The following KCMF1 variants were observed in gnomAD, a reference collection of about 807,000 sequenced individuals.
The protein encoded by KCMF1 is potassium channel modulatory factor 1.
KCMF1 carries 3 observed loss-of-function variants against 41.1 expected under a neutral mutation model. The observed-to-expected ratio is 0.07, with a 90% CI of 0.03 to 0.19. KCMF1 has a LOEUF of 0.19. Ranked by LOEUF, KCMF1 falls within the 10% of genes least tolerant of loss-of-function variation. The probability of loss-of-function intolerance (pLI) is 1.00; values close to 1 mark genes in which losing one functional copy is unlikely to be tolerated. For synonymous variants in KCMF1, 142 were observed against 164.5 expected, an observed-to-expected ratio of 0.86 and a Z score of 1.04; for missense variants, 286 against 488.9, an observed-to-expected ratio of 0.58 and a Z score of 3.91.
chr2:84,997,693 G>A (rs1674209650), intron 1 of KCMF1, among the ~76,000 whole-genome samples: 1 of 151,912 alleles, frequency 6.6e-6, no homozygotes, highest in Admixed American at 6.6e-5. Context: ...GAAAGGCCTT[G>A]GGGTTGAGGG....
chr2:85,005,133 C>T (rs1486134525), intron 1 of KCMF1, among the ~76,000 whole-genome samples: 3 of 152,122 alleles, frequency 2.0e-5, no homozygotes, highest in Admixed American at 2.0e-4. Context: ...TCTTGAACTC[C>T]TGACCTCACA....
intron 1 of KCMF1, among the ~76,000 whole-genome samples, chr2:84,998,592 T>TTTATTTACTTAC: frequency 1.3e-5 from 2 of 151,394 alleles, no homozygotes; most frequent in East Asian, 3.9e-4. Context: ...TATTTATTTA[T>TTTATTTACTTAC]TTACTTACTT....
intron 4 of KCMF1, among the ~76,000 whole-genome samples, chr2:85,045,246 A>G (rs1675635345): frequency 8.1e-6 from 1 of 122,932 alleles, no homozygotes; most frequent in African/African-American, 3.2e-5. Flanking sequence ...CTCAAGATAC[A>G]TATATATATG....
chr2:84,982,476 A>G (rs1293974949), intron 1 of KCMF1, among the ~76,000 whole-genome samples: 1 of 126,480 alleles, frequency 7.9e-6, no homozygotes, highest in South Asian at 2.5e-4. Context: ...ATCTCGGCTC[A>G]CTGCAACCTC....
At chr2:85,003,508 C>T (rs1490812658) in intron 1 of KCMF1, among the ~76,000 whole-genome samples, 2 of 151,650 alleles carry the variant, frequency 1.3e-5, no homozygotes, top group African/African-American at 4.8e-5. Context: ...TTTTACATAC[C>T]CGTTTGCCTC....
chr2:85,051,352 A>C (rs141790139), intron 6 of KCMF1, among the ~76,000 whole-genome samples: 318 of 152,232 alleles, frequency 2.1e-3, no homozygotes, highest in African/African-American at 7.5e-3. Flanking sequence ...ATTTCTACTG[A>C]GAGTTCACAG....
At chr2:84,977,435 G>A (rs1673578230) in intron 1 of KCMF1, among the ~76,000 whole-genome samples, 1 of 152,042 alleles carries the variant, frequency 6.6e-6, no homozygotes, top group South Asian at 2.1e-4. Flanking sequence ...GACTTTTTCA[G>A]TTCGTTTTTT....
chr2:85,019,353 G>A lies in KCMF1; in HGVS notation c.17-8536G>A, dbSNP rs565836955. Among the ~76,000 whole-genome samples the A allele has an allele frequency of 4.6e-5, 7 of 152,276 alleles. No individual in the cohort carries two copies. The East Asian group carries it at 1.2e-3, about 25-fold the overall frequency. ...TTAGGAGGGCCTCTGTATTGAGTGA[G>A]AGTCATTCTAAAGGGGACAATGGGC... On this transcript the variant is annotated intron_variant, in intron 1 of 6. Coordinates refer to ENST00000409785, the MANE Select transcript of KCMF1 (RefSeq NM_020122.5).
intron 1 of KCMF1, among the ~76,000 whole-genome samples, chr2:85,006,816 A>G (rs1211947862): frequency 1.3e-5 from 2 of 151,930 alleles, no homozygotes; most frequent in African/African-American, 4.8e-5. Flanking sequence ...ATATTAAGAA[A>G]TAGAACATCT....
chr2:84,973,733 T>C (rs1673457408), intron 1 of KCMF1, among the ~76,000 whole-genome samples: 1 of 152,172 alleles, frequency 6.6e-6, no homozygotes, highest in South Asian at 2.1e-4. Flanking sequence ...GCACCCTTGC[T>C]ATTAGTTCTT....
Position 85,027,870 on chromosome 2 carries a change from A to G in KCMF1, c.17-19A>G. 3.9e-6 allele frequency: 6 copies of G among 1,554,418 alleles called. No individual in the cohort carries two copies. Among genetic ancestry groups the G allele is most frequent in the Non-Finnish European group, 5.2e-6 (6 of 1,144,416 alleles). On this transcript the variant is annotated intron_variant, in intron 1 of 6. Coordinates refer to ENST00000409785, the MANE Select transcript of KCMF1 (RefSeq NM_020122.5). ...TGGCCTTTACAACTGGTAACTAAAG[A>G]TATTTCTTTTTTTTATAGGTGTCAG...
At chr2:85,052,508 C>G (rs2104069990) in intron 6 of KCMF1, among the ~76,000 whole-genome samples, 1 of 152,276 alleles carries the variant, frequency 6.6e-6, no homozygotes, top group Middle Eastern at 3.4e-3. Flanking sequence ...GCAGATGAGC[C>G]AGGTTTCCCA....
chr2:84,993,545 C>A (rs919049254), intron 1 of KCMF1, among the ~76,000 whole-genome samples: 1 of 142,500 alleles, frequency 7.0e-6, no homozygotes, highest in Admixed American at 7.0e-5. Context: ...ATTCTCTACC[C>A]CCATTATTTA....
At chr2:84,980,908 T>G (rs886096605) in intron 1 of KCMF1, among the ~76,000 whole-genome samples, 2 of 152,172 alleles carry the variant, frequency 1.3e-5, no homozygotes, top group African/African-American at 4.8e-5. Flanking sequence ...CACAATGTGC[T>G]GGGATTATAG....
intron 1 of KCMF1, among the ~76,000 whole-genome samples, chr2:84,988,010 C>T (rs141242605): frequency 2.3e-4 from 35 of 152,094 alleles, no homozygotes; most frequent in African/African-American, 7.5e-4. Flanking sequence ...CACCTGAGGT[C>T]GGGAGTTCAA....
chr2:84,988,897 A>G (rs1040703971), intron 1 of KCMF1, among the ~76,000 whole-genome samples: 1 of 152,246 alleles, frequency 6.6e-6, no homozygotes. Flanking sequence ...GAAAGCAGCC[A>G]TGAGACTTTG....
At chr2:85,009,173 A>G (rs1490912768) in intron 1 of KCMF1, among the ~76,000 whole-genome samples, 1 of 152,104 alleles carries the variant, frequency 6.6e-6, no homozygotes, top group Admixed American at 6.5e-5. Context: ...TTGAGATAGT[A>G]AGTTCTCATG....
At chr2:85,013,643 CA>C (rs1293067765) in intron 1 of KCMF1, among the ~76,000 whole-genome samples, 8 of 151,858 alleles carry the variant, frequency 5.3e-5, no homozygotes, top group Admixed American at 4.6e-4. Flanking sequence ...ACTAAAAGTA[CA>C]AAAATTAGCC....
chr2:85,020,265 G>C (rs971601649), intron 1 of KCMF1, among the ~76,000 whole-genome samples: 24 of 152,232 alleles, frequency 1.6e-4, no homozygotes, highest in African/African-American at 5.5e-4. Flanking sequence ...TCAGAGCTGG[G>C]TTTACCTTCC....
Sources: gnomAD v4.1 joint callset for allele counts (sites outside exome capture counted in the v4.1 genomes callset) on GRCh38, gnomAD v4.1.1 for gene constraint, MANE v1.5 for transcripts, NCBI Gene and HGNC (gene_info 2026-07-23, HGNC 2026-07-21) for gene names.